DCTN5: variants seen among roughly 807,000 people sequenced by gnomAD.
DCTN5 encodes the protein dynactin 4.
In DCTN5, 14 loss-of-function variants were observed where a neutral mutation model predicts 23.5. The observed-to-expected ratio is 0.60, with a 90% CI of 0.39 to 0.93. The LOEUF is 0.93. DCTN5 is among the 40% of genes least tolerant of loss of function. DCTN5 has a pLI of 0.00. For missense variants in DCTN5, 156 were observed against 225.9 expected (o/e 0.69, Z 1.98); for synonymous variants, 67 against 79.6 (o/e 0.84, Z 0.84).
At chr16:23,641,970 C>A (rs1026142590) in intron 1 of DCTN5, among the ~76,000 whole-genome samples, 1 of 152,052 alleles carries the variant, frequency 6.6e-6, no homozygotes, top group African/African-American at 2.4e-5. Context: ...GAGACTCTGT[C>A]GCCCAGTCCT....
At chr16:23,642,685 C>G in intron 1 of DCTN5, 3 of 347,808 alleles carry the variant, frequency 8.6e-6, no homozygotes, top group Non-Finnish European at 1.1e-5. Context: ...AGGGGTCTCA[C>G]TATGTTGCCT....
intron 3 of DCTN5, 70 bp downstream of exon 3, chr16:23,658,695 G>A (rs1967757075): frequency 5.8e-6 from 7 of 1,203,006 alleles, no homozygotes; most frequent in Non-Finnish European, 8.7e-6. Flanking sequence ...TCCATGTGTT[G>A]AGTTGTGGTA....
chr16:23,675,611 G>C lies in DCTN5; in HGVS notation c.*8467G>C, dbSNP rs949935465. 4 of 152,146 alleles carry C rather than the reference G, an allele frequency of 2.6e-5. No individual in the cohort carries two copies. Among genetic ancestry groups the C allele is most frequent in the Non-Finnish European group, 5.9e-5 (4 of 68,028 alleles). 9.4% of individuals were successfully genotyped at this position (152,146 alleles called of 1,614,324 possible). ...TAAGAGATGGTTGAAAAAATGCAAT[G>C]TTATGATTGCTGAACAGGGCACGAC... On this transcript the variant is annotated 3_prime_UTR_variant, in exon 6 of 6. Transcript: ENST00000300087.
At chr16:23,651,097 T>TA (rs971905621) in intron 2 of DCTN5, 34 of 1,319,702 alleles carry the variant, frequency 2.6e-5, no homozygotes, top group East Asian at 8.4e-5. Flanking sequence ...AGGAGATAGC[T>TA]AAAAAAAATT....
chr16:23,663,577 A>G (rs768331107), intron 4 of DCTN5, among the ~76,000 whole-genome samples: 9 of 152,038 alleles, frequency 5.9e-5, no homozygotes, highest in African/African-American at 9.7e-5. Flanking sequence ...TTAACTGGGC[A>G]TGGTAGCACA....
In DCTN5 at chr16:23,675,459, C is replaced by T. The variant is rs1968071533; in HGVS notation, c.*8315C>T. 6.6e-6 allele frequency: 1 copy of T among 151,248 alleles called. No individual in the cohort carries two copies. Among genetic ancestry groups the T allele is most frequent in the African/African-American group, 2.4e-5 (1 of 41,022 alleles). 9.4% of individuals were successfully genotyped at this position (151,248 alleles called of 1,614,324 possible). A position where few individuals can be genotyped will look rare whatever the true frequency, so the allele number is the denominator to read the frequency against. On this transcript the variant is annotated 3_prime_UTR_variant, in exon 6 of 6. Coordinates refer to ENST00000300087, the MANE Select transcript of DCTN5 (RefSeq NM_032486.4). ...AGGTTGCAGTGAGCCAAAATCGTGC[C>T]ACCGCACTCTAGCCTGGGCAACAGA...
At chr16:23,642,492 T>C in intron 1 of DCTN5, 1 of 155,958 alleles carries the variant, frequency 6.4e-6, no homozygotes, top group Non-Finnish European at 1.4e-5. Context: ...CTTTGTGTTT[T>C]TATTTTTTGA....
In DCTN5 at chr16:23,671,419, T is replaced by C. The variant is rs1215827825; in HGVS notation, c.*4275T>C. 6.6e-6 allele frequency: 1 copy of C among 152,214 alleles called. No homozygotes were observed. 9.4% of individuals were successfully genotyped at this position (152,214 alleles called of 1,614,324 possible). On this transcript the variant is annotated 3_prime_UTR_variant, in exon 6 of 6. Coordinates refer to ENST00000300087, the MANE Select transcript of DCTN5 (RefSeq NM_032486.4). ...ATAAAATTTAAAACATCTTGCCCTT[T>C]ATAATCAGTCCGCCACAAACAAGAG...
At chr16:23,660,021 A>G (rs74012307) in intron 3 of DCTN5, among the ~76,000 whole-genome samples, 9,658 of 152,306 alleles carry the variant, frequency 0.063, 645 homozygotes, top group African/African-American at 0.16. Flanking sequence ...ATAGCAAAAC[A>G]TGAATAGAAG....
intron 4 of DCTN5, among the ~76,000 whole-genome samples, chr16:23,663,859 A>AT (rs1967860047): frequency 1.3e-5 from 2 of 152,228 alleles, no homozygotes; most frequent in South Asian, 4.1e-4. Context: ...GTTAAGTATT[A>AT]TTTCTCTAAG....
chr16:23,667,424 T>C lies in DCTN5; in HGVS notation c.*280T>C, dbSNP rs1402118880. ...ATCTGTGGAACACAGAATCATCTGT[T>C]CCCAACACTCCAGCCCCTTGGTCCT... On this transcript the variant is annotated 3_prime_UTR_variant, in exon 6 of 6. Coordinates refer to ENST00000300087, the MANE Select transcript of DCTN5 (RefSeq NM_032486.4). 2.5e-6 allele frequency: 1 copy of C among 406,870 alleles called. No individual in the cohort carries two copies. The highest frequency in any genetic ancestry group is 2.0e-5 in the African/African-American group (1 of 49,774). The allele number at this position is 406,870 out of a possible 1,614,324, so 25.2% of individuals were successfully genotyped here. A position where few individuals can be genotyped will look rare whatever the true frequency, so the allele number is the denominator to read the frequency against.
In DCTN5 at chr16:23,673,210, A is replaced by G. The variant is rs1478278253; in HGVS notation, c.*6066A>G. On this transcript the variant is annotated 3_prime_UTR_variant, in exon 6 of 6. Transcript: ENST00000300087. ...GGAATATGAGAACATGGAAACAGCT[A>G]TGAAAAGACATAAGAGAATTAGGAG... The G allele has an allele frequency of 1.3e-5, 2 of 151,844 alleles. No individual in the cohort carries two copies. Among genetic ancestry groups the G allele is most frequent in the South Asian group, 4.2e-4 (2 of 4,816 alleles). The allele number at this position is 151,844 out of a possible 1,614,324, so 9.4% of individuals were successfully genotyped here. A position where few individuals can be genotyped will look rare whatever the true frequency, so the allele number is the denominator to read the frequency against.
At chr16:23,649,123 A>AATCCC (rs1967542619) in intron 2 of DCTN5, among the ~76,000 whole-genome samples, 1 of 152,140 alleles carries the variant, frequency 6.6e-6, no homozygotes, top group Non-Finnish European at 1.5e-5. Flanking sequence ...GGCCTCCCAA[A>AATCCC]ATGCTGGGAT....
chr16:23,651,289 C>A, intron 2 of DCTN5: 2 of 777,502 alleles, frequency 2.6e-6, no homozygotes, highest in Non-Finnish European at 3.1e-6. Flanking sequence ...CAGCCACCTT[C>A]TTTCTTTTTA....
chr16:23,658,452 T>TACGTAGATACG lies in DCTN5; in HGVS notation c.118-55_118-54insACGTAGATACG, dbSNP rs1209058883. 3.8e-5 allele frequency: 44 copies of TACGTAGATACG among 1,150,580 alleles called. No individual in the cohort carries two copies. In the African/African-American group the frequency reaches 6.4e-4, roughly 17 times the overall value. The allele number at this position is 1,150,580 out of a possible 1,614,324, so 71.3% of individuals were successfully genotyped here. ...TCAGTATCTCGTTATCTACTCTTTT[T>TACGTAGATACG]TTGTTACGTCTTAGGCTATGTTGCT... On this transcript the variant is annotated intron_variant, in intron 2 of 5. Transcript: ENST00000300087.
chr16:23,643,893 GACAA>G (rs1967364491), intron 2 of DCTN5, among the ~76,000 whole-genome samples: 1 of 152,004 alleles, frequency 6.6e-6, no homozygotes, highest in African/African-American at 2.4e-5. Context: ...ATTTGAGCTT[GACAA>G]ACAGTGAAGT....
In DCTN5 at chr16:23,668,965, A is replaced by G. The variant is rs26760; in HGVS notation, c.*1821A>G. The G allele has an allele frequency of 0.3, 46,495 of 152,480 alleles. 7,255 individuals carry two copies. The highest frequency in any genetic ancestry group is 0.44 in the East Asian group (2,272 of 5,164). 9.4% of individuals were successfully genotyped at this position (152,480 alleles called of 1,614,324 possible). A position where few individuals can be genotyped will look rare whatever the true frequency, so the allele number is the denominator to read the frequency against. Reference sequence around the variant, plus strand: ...CCTTTTCTTCATCCAAAACAAGGTGATGGGAAGACAAAAACAATAGCTACT... The same window carrying G: ...CCTTTTCTTCATCCAAAACAAGGTGGTGGGAAGACAAAAACAATAGCTACT... On this transcript the variant is annotated 3_prime_UTR_variant, in exon 6 of 6. Transcript: ENST00000300087.
Position 23,645,095 on chromosome 16 carries a change from A to C in DCTN5, c.117+2072A>C, listed in dbSNP as rs1225620188. Among the ~76,000 whole-genome samples the C allele has an allele frequency of 2.7e-3, 37 of 13,456 alleles. No homozygotes were observed. In the East Asian group the frequency reaches 0.072, roughly 26 times the overall value. 8.8% of individuals were successfully genotyped at this position (13,456 alleles called of 152,430 possible). A position where few individuals can be genotyped will look rare whatever the true frequency, so the allele number is the denominator to read the frequency against. The stretch of plus-strand genomic sequence containing the variant: ...GCACCCAGCCTAACTATATATATAT[A>C]TATATATATATATATATATATATAT... On this transcript the variant is annotated intron_variant, in intron 2 of 5. Transcript: ENST00000300087.
At chr16:23,666,541 C>T in intron 5 of DCTN5, 1 of 158,650 alleles carries the variant, frequency 6.3e-6, no homozygotes, top group South Asian at 1.9e-4. Flanking sequence ...CTTAGCCCTA[C>T]CCCAAGACAG....
Sources: gnomAD v4.1 joint callset for allele counts (sites outside exome capture counted in the v4.1 genomes callset) on GRCh38, gnomAD v4.1.1 for gene constraint, MANE v1.5 for transcripts, NCBI Gene and HGNC (gene_info 2026-07-23, HGNC 2026-07-21) for gene names.